Variants in GRIK4 observed in about 807,000 individuals in gnomAD.
GRIK4 encodes the protein glutamate ionotropic receptor kainate type subunit 4, also known as glutamate receptor ionotropic, kainate 4.
Under a neutral mutation model 104.9 loss-of-function variants are expected in GRIK4, and 40 were observed. That is an observed-to-expected ratio of 0.38 (90% CI 0.30 to 0.50). The LOEUF is 0.50. Ranked by LOEUF, GRIK4 falls within the 20% of genes least tolerant of loss-of-function variation. The pLI, the probability that GRIK4 is intolerant of heterozygous loss-of-function variation, is 0.93. For missense variants in GRIK4, 1,047 were observed against 1,308.1 expected, an observed-to-expected ratio of 0.80 and a Z score of 3.08; for synonymous variants, 485 against 524.9, an observed-to-expected ratio of 0.92 and a Z score of 1.04.
At chr11:120,828,420 G>C (rs1323505123) in intron 6 of GRIK4, among the ~76,000 whole-genome samples, 1 of 152,178 alleles carries the variant, frequency 6.6e-6, no homozygotes, top group African/African-American at 2.4e-5. Flanking sequence ...TGGAGAGAAG[G>C]TTTCAGGGAG....
At position 120,961,041 on chromosome 11, in the gene GRIK4, A is replaced by C. The variant is rs1305966984; in HGVS notation, c.2007A>C (p.Thr669=). Reference sequence around the variant, plus strand: ...ACCAGACCGCCATTGAATATGGCACAATTCACGGAGGCTCCAGCATGACCT... The same window carrying C: ...ACCAGACCGCCATTGAATATGGCACCATTCACGGAGGCTCCAGCATGACCT... ...LADQTAIEYG[T]IHGGSSMTFF... is the part of the protein sequence containing the mutation. Residue 669 remains threonine (T), a synonymous_variant, in exon 17 of 21, where the codon ACA becomes ACC. Transcript: ENST00000527524. 1 of 1,614,172 alleles carries C rather than the reference A, an allele frequency of 6.2e-7. No homozygotes were observed.
rs539833846 is a variant in GRIK4 at position 120,798,157 on chromosome 11, CTTTT to C, written c.83-4514_83-4511del. ...AAAAAGAGAGTGAGCTCTGCTGTCT[CTTTT>C]TTTTTTTTTTTTTTTTTTTTTGGAG... On this transcript the variant is annotated intron_variant, in intron 3 of 20. Transcript: ENST00000527524. 8.8e-5 allele frequency among the ~76,000 whole-genome samples: 6 copies of C among 68,086 alleles called. No homozygotes were observed. The Admixed American group carries it at 9.3e-4, about 11-fold the overall frequency. 44.7% of individuals were successfully genotyped at this position (68,086 alleles called of 152,430 possible).
At chr11:120,792,351 A>G (rs1952413709) in intron 3 of GRIK4, among the ~76,000 whole-genome samples, 1 of 151,752 alleles carries the variant, frequency 6.6e-6, no homozygotes, top group Non-Finnish European at 1.5e-5. Context: ...GACAGAGTCA[A>G]GTCAGATCTT....
At chr11:120,537,133 A>G (rs1947985838) in intron 1 of GRIK4, among the ~76,000 whole-genome samples, 1 of 152,236 alleles carries the variant, frequency 6.6e-6, no homozygotes, top group Admixed American at 6.5e-5. Context: ...CAGAGGACTC[A>G]GGGTAACTGA....
chr11:120,750,000 G>T (rs1436024734), intron 3 of GRIK4, among the ~76,000 whole-genome samples: 1 of 152,120 alleles, frequency 6.6e-6, no homozygotes, highest in African/African-American at 2.4e-5. Flanking sequence ...GCAGCCTTGG[G>T]TAGAAAATCC....
At chr11:120,849,572 T>G (rs1001656221) in intron 8 of GRIK4, among the ~76,000 whole-genome samples, 3 of 152,216 alleles carry the variant, frequency 2.0e-5, no homozygotes, top group African/African-American at 7.2e-5. Context: ...ATGTACCAGA[T>G]GCCATGCCCA....
intron 3 of GRIK4, among the ~76,000 whole-genome samples, chr11:120,667,604 G>T (rs374723866): frequency 6.6e-6 from 1 of 152,244 alleles, no homozygotes; most frequent in Admixed American, 6.5e-5. Context: ...GCTGGGGCTC[G>T]GCTCGGTGGG....
At chr11:120,641,976 G>A (rs145231959) in intron 1 of GRIK4, among the ~76,000 whole-genome samples, 4 of 152,134 alleles carry the variant, frequency 2.6e-5, no homozygotes, top group East Asian at 3.9e-4. Flanking sequence ...GACCACCCCC[G>A]CTTCCCAAGC....
intron 3 of GRIK4, among the ~76,000 whole-genome samples, chr11:120,661,652 C>T (rs79739072): frequency 0.048 from 7,232 of 152,198 alleles, 523 homozygotes; most frequent in African/African-American, 0.16. Flanking sequence ...GCAGCCAAAA[C>T]CTGGCTAGGC....
chr11:120,955,252 C>T (rs1455330493), intron 15 of GRIK4, among the ~76,000 whole-genome samples: 1 of 152,170 alleles, frequency 6.6e-6, no homozygotes, highest in Admixed American at 6.5e-5. Context: ...AAGTGGGGCA[C>T]CAGAGTGCCA....
chr11:120,541,781 G>A (rs1482334810), intron 1 of GRIK4, among the ~76,000 whole-genome samples: 1 of 151,962 alleles, frequency 6.6e-6, no homozygotes, highest in Admixed American at 6.6e-5. Flanking sequence ...GAGCCACTGC[G>A]CCTGGCCAAA....
chr11:120,985,340 A>G (rs1944724295), intron 20 of GRIK4, among the ~76,000 whole-genome samples: 1 of 152,064 alleles, frequency 6.6e-6, no homozygotes, highest in Non-Finnish European at 1.5e-5. Context: ...TACATACTCT[A>G]CTGTTTGTGC....
intron 1 of GRIK4, among the ~76,000 whole-genome samples, chr11:120,628,980 G>T (rs151230525): frequency 1.3e-5 from 2 of 152,184 alleles, no homozygotes; most frequent in Non-Finnish European, 2.9e-5. Flanking sequence ...CTAGGAACTC[G>T]CAGTCTAGTC....
chr11:120,611,537 A>T (rs1338151282), intron 1 of GRIK4, among the ~76,000 whole-genome samples: 2 of 152,162 alleles, frequency 1.3e-5, no homozygotes, highest in African/African-American at 4.8e-5. Context: ...TGTTACTGTT[A>T]TCATCATGAT....
chr11:120,894,118 G>A (rs1489763618), intron 11 of GRIK4, among the ~76,000 whole-genome samples: 2 of 152,212 alleles, frequency 1.3e-5, no homozygotes, highest in East Asian at 3.8e-4. Context: ...AGCCCATAGT[G>A]TGAAGCCTTT....
chr11:120,550,076 G>T (rs1010430347), intron 1 of GRIK4, among the ~76,000 whole-genome samples: 1 of 152,128 alleles, frequency 6.6e-6, no homozygotes, highest in South Asian at 2.1e-4. Context: ...TGCTGTGGCT[G>T]CCTGGTTGCG....
At chr11:120,857,750 C>A (rs1175538550) in intron 8 of GRIK4, among the ~76,000 whole-genome samples, 2 of 152,170 alleles carry the variant, frequency 1.3e-5, no homozygotes, top group Admixed American at 1.3e-4. Context: ...ATCAACTGTC[C>A]TCAAAACAGC....
rs571243341 is a variant in GRIK4 at position 120,956,969 on chromosome 11, G to A, written c.1874+16G>A. The A allele has an allele frequency of 6.3e-7, 1 of 1,576,208 alleles. No homozygotes were observed. The highest frequency in any genetic ancestry group is 2.3e-5 in the East Asian group (1 of 43,588). Reference sequence around the variant, plus strand: ...GTGGCGTCTGGTAAGGCCCCAGGCAGAGGTGAACCAGGCCAGGTGGGGTGG... The same window carrying A: ...GTGGCGTCTGGTAAGGCCCCAGGCAAAGGTGAACCAGGCCAGGTGGGGTGG... On this transcript the variant is annotated intron_variant, in intron 16 of 20. Transcript: ENST00000527524. This position sits in a 1 kb window ranked among gnomAD's most constrained non-coding sequence, Gnocchi z 4.6.
intron 12 of GRIK4, among the ~76,000 whole-genome samples, chr11:120,901,965 T>C (rs1942749081): frequency 6.6e-6 from 1 of 152,178 alleles, no homozygotes; most frequent in South Asian, 2.1e-4. Flanking sequence ...ACTATTAGCC[T>C]TGGTTCTTTT....
Sources: allele counts gnomAD v4.1 joint callset (sites outside exome capture counted in the v4.1 genomes callset), GRCh38; gene constraint gnomAD v4.1.1; non-coding constraint Gnocchi (gnomAD v3.1); transcripts MANE v1.5; gene names NCBI Gene and HGNC (gene_info 2026-07-23, HGNC 2026-07-21).